The following SPATA21 variants were observed in gnomAD, a reference collection of about 807,000 sequenced individuals.
The protein encoded by SPATA21 is spermatogenesis-associated protein 21.
A neutral mutation model predicts 54.8 loss-of-function variants in SPATA21; 47 were observed. The ratio of observed to expected loss-of-function variants is 0.86; its 90% CI spans 0.68 to 1.09. SPATA21 has a LOEUF of 1.09. Among genes scored for constraint, SPATA21 ranks in the 50% least tolerant of loss-of-function variants. SPATA21 has a pLI of 0.00. For missense variants in SPATA21, 599 were observed against 596.4 expected, an observed-to-expected ratio of 1.00 and a Z score of -0.05; for synonymous variants, 245 against 235.3, an observed-to-expected ratio of 1.04 and a Z score of -0.38.
In SPATA21 at chr1:16,428,019, G is replaced by A. The variant is rs936922005; in HGVS notation, c.34+3319C>T. On this transcript the variant is annotated intron_variant, in intron 3 of 12. Coordinates refer to ENST00000335496, the MANE Select transcript of SPATA21 (RefSeq NM_198546.1). This position sits in a 1 kb window ranked among gnomAD's most constrained non-coding sequence, Gnocchi z 4.3. ...CCGAAGCATCCGGAAACATGACCTG[G>A]ACAGAGATATCCATGGCAGTGGCTT... is the stretch of plus-strand genomic sequence containing the variant. 1 of 1,546,314 alleles carries A rather than the reference G, an allele frequency of 6.5e-7. No individual in the cohort carries two copies. The highest frequency in any genetic ancestry group is 8.7e-7 in the Non-Finnish European group (1 of 1,143,786).
intron 10 of SPATA21, among the ~76,000 whole-genome samples, chr1:16,403,483 C>CTTTTCTTTTTTTTTTT: frequency 8.5e-6 from 1 of 117,118 alleles, no homozygotes; most frequent in Non-Finnish European, 1.9e-5. Flanking sequence ...TAGTTTTTTT[C>CTTTTCTTTTTTTTTTT]TTTTTTTTCT....
intron 3 of SPATA21, among the ~76,000 whole-genome samples, chr1:16,426,581 T>TATATATATATATATA (rs1341237564): frequency 3.7e-4 from 25 of 67,748 alleles, no homozygotes; most frequent in Middle Eastern, 8.5e-3. Context: ...ATATATATAT[T>TATATATATATATATA]TTTTTTTTTT....
At chr1:16,422,204 A>G in intron 3 of SPATA21, 1 of 1,428,318 alleles carries the variant, frequency 7.0e-7, no homozygotes, top group Non-Finnish European at 9.1e-7. Context: ...CCTGTCAAGG[A>G]CAAGGACACC....
At chr1:16,410,613 G>A (rs777734648) in intron 5 of SPATA21, among the ~76,000 whole-genome samples, 4 of 152,150 alleles carry the variant, frequency 2.6e-5, no homozygotes, top group Non-Finnish European at 4.4e-5. Flanking sequence ...GTTTTGCCAC[G>A]TTGGCCAGGC....
chr1:16,421,975 G>C lies in SPATA21; in HGVS notation c.35-4C>G. 1 of 1,614,164 alleles carries C rather than the reference G, an allele frequency of 6.2e-7. No homozygotes were observed. The highest frequency in any genetic ancestry group is 1.1e-5 in the South Asian group (1 of 91,084). On this transcript the variant is annotated splice_region_variant and splice_polypyrimidine_tract_variant and intron_variant, in intron 3 of 12. Transcript: ENST00000335496. This position sits in a 1 kb window ranked among gnomAD's most constrained non-coding sequence, Gnocchi z 5.2. ...AAGGGGTTGACTGTCTTTTCCTCTG[G>C]AGCCACGACGGACATTGGGGGCATT...
At chr1:16,405,540 A>G (rs2100796607) in intron 7 of SPATA21, among the ~76,000 whole-genome samples, 1 of 149,990 alleles carries the variant, frequency 6.7e-6, no homozygotes, top group East Asian at 2.0e-4. Flanking sequence ...GTGCACCTGT[A>G]GTCCCAGCTA....
At chr1:16,402,249 CTTTTTTTTTTTTTTTTTTT>C (rs869032281) in intron 10 of SPATA21, among the ~76,000 whole-genome samples, 6 of 55,946 alleles carry the variant, frequency 1.1e-4, no homozygotes, top group African/African-American at 4.8e-4. Context: ...AGCTGCCATT[CTTTTTTTTTTTTTTTTTTT>C]TTTTTTTTTT....
At chr1:16,419,596 G>A (rs1263022189) in intron 5 of SPATA21, among the ~76,000 whole-genome samples, 1 of 152,234 alleles carries the variant, frequency 6.6e-6, no homozygotes, top group African/African-American at 2.4e-5. Flanking sequence ...GAATTAGCCA[G>A]CCAGAGGGAA....
At chr1:16,425,602 G>A (rs938486637) in intron 3 of SPATA21, 29 of 1,550,022 alleles carry the variant, frequency 1.9e-5, no homozygotes, top group Non-Finnish European at 2.3e-5. Context: ...TCTCCTTTCC[G>A]GAGCCCAGCT....
rs965379284 is a variant in SPATA21, at chr1:16,428,928, G to A, written c.34+2410C>T. Among the ~76,000 whole-genome samples, 5 of 152,230 alleles carry A rather than the reference G, an allele frequency of 3.3e-5. No homozygotes were observed. The highest frequency in any genetic ancestry group is 1.2e-4 in the African/African-American group (5 of 41,468). On this transcript the variant is annotated intron_variant, in intron 3 of 12. Transcript: ENST00000335496. The surrounding 1 kb of genome is among the most constrained non-coding windows in gnomAD (Gnocchi z 4.3). ...AACAAATGAGGCTGCAAGGGGTGCA[G>A]TGACAGGCCCAACATCACACAGCTG...
At position 16,433,955 on chromosome 1, in the gene SPATA21, A is replaced by AT. The variant is rs541953077; in HGVS notation, c.-186-1032dup. Among the ~76,000 whole-genome samples, 781 of 152,110 alleles carry AT rather than the reference A, an allele frequency of 5.1e-3. 8 individuals carry two copies. The highest frequency in any genetic ancestry group is 7.4e-3 in the Non-Finnish European group (504 of 67,988). On this transcript the variant is annotated intron_variant, in intron 1 of 12. Coordinates refer to ENST00000335496, the MANE Select transcript of SPATA21 (RefSeq NM_198546.1). ...ACCACCCTCGCCCTAATTCTAGAAT[A>AT]TTTTTATCACCCCAAAAAGAAACCC...
chr1:16,409,812 T>C lies in SPATA21; in HGVS notation c.376A>G (p.Ser126Gly), dbSNP rs1196580717. 44 of 1,598,766 alleles carry C rather than the reference T, an allele frequency of 2.8e-5. No homozygotes were observed. Among genetic ancestry groups the C allele is most frequent in the Non-Finnish European group, 3.8e-5 (44 of 1,173,100 alleles). Residue 126 changes from serine to glycine, a missense_variant, in exon 6 of 13, where the codon AGC (serine) becomes GGC (glycine). Transcript: ENST00000335496. The surrounding 1 kb of genome is among the most constrained non-coding windows in gnomAD (Gnocchi z 4.1). ...TLTPVPTSAP[S>G]LPQTPASVPA... Reference sequence around the variant, plus strand: ...ACCGAGGCAGGGGTCTGAGGCAGGCTTGGAGCTGAGGTGGGCACCGGGGTC... The same window carrying C: ...ACCGAGGCAGGGGTCTGAGGCAGGCCTGGAGCTGAGGTGGGCACCGGGGTC...
intron 2 of SPATA21, 107 bp from the exon 3 acceptor site, chr1:16,431,529 GC>G: frequency 1.9e-6 from 2 of 1,066,782 alleles, no homozygotes; most frequent in Non-Finnish European, 1.3e-6. Flanking sequence ...GAGGGAAGAG[GC>G]GGGGCCAGGC....
At chr1:16,397,255 G>C (rs1192854933), downstream of SPATA21, 1 of 152,262 alleles carries the variant, frequency 6.6e-6, no homozygotes, top group Non-Finnish European at 1.5e-5. The surrounding 1 kb of genome is among the most constrained non-coding windows in gnomAD (Gnocchi z 5.4). Context: ...GCCAAAGATG[G>C]GCTTTGCCCG....
intron 12 of SPATA21, among the ~76,000 whole-genome samples, 178 bp from the exon 13 acceptor site, chr1:16,399,000 C>A (rs913459554): frequency 6.6e-6 from 1 of 152,162 alleles, no homozygotes; most frequent in Non-Finnish European, 1.5e-5. Context: ...CCTTCCCCAG[C>A]GGCCTGGAGG....
At chr1:16,427,815 A>C (rs2086360379) in intron 3 of SPATA21, 2 of 1,513,006 alleles carry the variant, frequency 1.3e-6, no homozygotes, top group Non-Finnish European at 1.8e-6. Context: ...CGGGTGGGCT[A>C]CAGGGGGTTC....
chr1:16,396,259 A>G (rs1380601746), downstream of SPATA21: 1 of 152,380 alleles, frequency 6.6e-6, no homozygotes, highest in Non-Finnish European at 1.5e-5. Flanking sequence ...AGGGGTCTGC[A>G]GTGCTCCATC....
intron 3 of SPATA21, chr1:16,425,043 T>C (rs2086283902): frequency 2.4e-5 from 8 of 335,636 alleles, no homozygotes; most frequent in South Asian, 1.8e-4. Flanking sequence ...CTCGGCCTCT[T>C]GAGTAGCTGG....
chr1:16,425,781 T>C, intron 3 of SPATA21: 4 of 1,484,966 alleles, frequency 2.7e-6, no homozygotes, highest in Non-Finnish European at 3.6e-6. Context: ...TGGGGCACTG[T>C]TTTATATATT....
Sources: gnomAD v4.1 joint callset for allele counts (sites outside exome capture counted in the v4.1 genomes callset) on GRCh38, gnomAD v4.1.1 for gene constraint, Gnocchi (gnomAD v3.1) non-coding constraint, MANE v1.5 for transcripts, NCBI Gene and HGNC (gene_info 2026-07-23, HGNC 2026-07-21) for gene names.